The following APBB2 variants were observed in gnomAD, a reference collection of about 807,000 sequenced individuals.
APBB2 encodes the protein amyloid beta precursor protein binding family B member 2, also known as Fe65-like 1.
A neutral mutation model predicts 82.5 loss-of-function variants in APBB2; 38 were observed. The ratio of observed to expected loss-of-function variants is 0.46; its 90% CI spans 0.36 to 0.60. The LOEUF (loss-of-function observed/expected upper bound fraction) is 0.60, where lower values mean the gene tolerates loss of function less well. Ranked by LOEUF, APBB2 falls within the 20% of genes least tolerant of loss-of-function variation. The pLI, the probability that APBB2 is intolerant of heterozygous loss-of-function variation, is 0.00. For synonymous variants in APBB2, 341 were observed against 368.2 expected (o/e 0.93, Z 0.85); for missense variants, 772 against 972.3 (o/e 0.79, Z 2.74).
chr4:40,954,029 G>A (rs559112595), intron 6 of APBB2, among the ~76,000 whole-genome samples: 7 of 152,260 alleles, frequency 4.6e-5, no homozygotes, highest in South Asian at 4.1e-4. Flanking sequence ...AGCAAGGACC[G>A]GCTCCTTCCA....
chr4:40,871,589 C>T (rs55786328), intron 12 of APBB2, among the ~76,000 whole-genome samples: 13,934 of 152,254 alleles, frequency 0.092, 804 homozygotes, highest in South Asian at 0.18. Flanking sequence ...GGTTCAGCCA[C>T]ATTTTTGTAT....
chr4:41,000,543 T>C (rs1048881477), intron 6 of APBB2, among the ~76,000 whole-genome samples: 10 of 152,142 alleles, frequency 6.6e-5, no homozygotes, highest in African/African-American at 2.4e-4. Context: ...TGTCTGACCC[T>C]AAACCACAGA....
At chr4:40,860,324 G>T (rs1762466548) in intron 12 of APBB2, among the ~76,000 whole-genome samples, 1 of 152,198 alleles carries the variant, frequency 6.6e-6, no homozygotes, top group African/African-American at 2.4e-5. Flanking sequence ...CCTCTGGAGG[G>T]ACTCGAGACT....
intron 6 of APBB2, 28 bp from the exon 7 acceptor site, chr4:40,945,101 G>A (rs1788023967): frequency 1.4e-6 from 1 of 738,536 alleles, no homozygotes; most frequent in Non-Finnish European, 2.3e-6. Flanking sequence ...GGGGCGGGGG[G>A]AGAAAGAGAG....
intron 2 of APBB2, among the ~76,000 whole-genome samples, chr4:41,121,916 T>C (rs959048093): frequency 6.6e-6 from 1 of 151,816 alleles, no homozygotes; most frequent in Non-Finnish European, 1.5e-5. Flanking sequence ...TGTGTATGTG[T>C]GTATGTGTGT....
At chr4:40,870,275 G>A (rs917758832) in intron 12 of APBB2, among the ~76,000 whole-genome samples, 2 of 152,198 alleles carry the variant, frequency 1.3e-5, no homozygotes, top group Non-Finnish European at 2.9e-5. Context: ...AGATGAGGGA[G>A]GGCAGAGTGA....
intron 12 of APBB2, among the ~76,000 whole-genome samples, chr4:40,861,655 G>A (rs1578044471): frequency 6.6e-6 from 1 of 152,270 alleles, no homozygotes; most frequent in East Asian, 1.9e-4. Flanking sequence ...GTACACAAAC[G>A]GTGTTTATGG....
At chr4:40,950,155 A>G (rs1209211428) in intron 6 of APBB2, among the ~76,000 whole-genome samples, 1 of 152,248 alleles carries the variant, frequency 6.6e-6, no homozygotes, top group Non-Finnish European at 1.5e-5. Context: ...CATACCTGTC[A>G]GCTCGGCAAA....
chr4:40,953,852 C>A (rs1387334880), intron 6 of APBB2, among the ~76,000 whole-genome samples: 1 of 152,170 alleles, frequency 6.6e-6, no homozygotes, highest in Non-Finnish European at 1.5e-5. Flanking sequence ...GGCTCTGCGG[C>A]TCTTCGTAAT....
intron 6 of APBB2, 46 bp downstream of exon 6, chr4:41,013,537 A>G (rs373578364): frequency 3.8e-5 from 22 of 573,936 alleles, no homozygotes; most frequent in Non-Finnish European, 5.5e-5. Context: ...TTGAAAAGAT[A>G]AAAAAAAAAA....
chr4:40,890,883 A>C, intron 11 of APBB2: 1 of 158,016 alleles, frequency 6.3e-6, no homozygotes, highest in Non-Finnish European at 1.4e-5. Flanking sequence ...AGATCCTACC[A>C]AGCATCCCCT....
intron 7 of APBB2, among the ~76,000 whole-genome samples, chr4:40,940,247 C>T (rs1408429279): frequency 6.6e-6 from 1 of 151,988 alleles, no homozygotes; most frequent in Non-Finnish European, 1.5e-5. Flanking sequence ...TGGGGTGAGG[C>T]CAAATAATTT....
chr4:41,136,806 C>T (rs1757705975), intron 2 of APBB2, among the ~76,000 whole-genome samples: 1 of 150,584 alleles, frequency 6.6e-6, no homozygotes, highest in South Asian at 2.1e-4. Context: ...ATTTTTTTCA[C>T]ATTAAAAATG....
intron 4 of APBB2, among the ~76,000 whole-genome samples, chr4:41,039,803 T>G (rs1720633189): frequency 6.8e-6 from 1 of 147,404 alleles, no homozygotes; most frequent in African/African-American, 2.5e-5. Flanking sequence ...AGTGCTGCAG[T>G]GAGTTGTGAA....
At chr4:40,847,367 C>A (rs931831085) in intron 12 of APBB2, among the ~76,000 whole-genome samples, 6 of 152,160 alleles carry the variant, frequency 3.9e-5, no homozygotes, top group African/African-American at 1.4e-4. Context: ...GAGGCTGAGA[C>A]GTGAGAATCA....
rs939065690 is a variant in APBB2, at chr4:41,169,325, T to C, written c.-416-26183A>G. Among the ~76,000 whole-genome samples the C allele has an allele frequency of 4.0e-5, 6 of 151,738 alleles. No homozygotes were observed. In the South Asian group the frequency reaches 1.3e-3, roughly 32 times the overall value. ...GCAAAGGTGCAGAGAATTCCAAACA[T>C]TACCTAAAACTACTCTAGGAGAGAC... On this transcript the variant is annotated intron_variant, in intron 1 of 17. Coordinates refer to ENST00000508593, the MANE Select transcript of APBB2 (RefSeq NM_004307.2).
At chr4:40,862,017 C>G (rs28436652) in intron 12 of APBB2, among the ~76,000 whole-genome samples, 38 of 152,344 alleles carry the variant, frequency 2.5e-4, no homozygotes, top group Middle Eastern at 3.4e-3. Flanking sequence ...ACTCATCTTT[C>G]TTTCATAGAA....
At chr4:41,083,865 G>C (rs1038593632) in intron 3 of APBB2, among the ~76,000 whole-genome samples, 1 of 151,680 alleles carries the variant, frequency 6.6e-6, no homozygotes, top group Admixed American at 6.6e-5. Context: ...TCTGTACTAA[G>C]AATAAAAATA....
At chr4:40,817,365 G>A (rs1174463750) in intron 17 of APBB2, among the ~76,000 whole-genome samples, 2 of 151,986 alleles carry the variant, frequency 1.3e-5, no homozygotes, top group East Asian at 1.9e-4. Flanking sequence ...CTGTGAGCAT[G>A]GCCACTGCAC....
Sources: allele counts gnomAD v4.1 joint callset (sites outside exome capture counted in the v4.1 genomes callset), GRCh38; gene constraint gnomAD v4.1.1; transcripts MANE v1.5; gene names NCBI Gene and HGNC (gene_info 2026-07-23, HGNC 2026-07-21).